Variants in VGLL1 observed in about 807,000 individuals in gnomAD.
VGLL1 encodes the protein transcription cofactor vestigial-like protein 1.
Under a neutral mutation model 12.0 loss-of-function variants are expected in VGLL1, and 4 were observed. The ratio of observed to expected loss-of-function variants is 0.33; its 90% CI spans 0.16 to 0.76. The LOEUF (loss-of-function observed/expected upper bound fraction) is 0.76. Ranked by LOEUF, VGLL1 falls within the 30% of genes least tolerant of loss-of-function variation. The probability of loss-of-function intolerance (pLI) is 0.60; values close to 1 mark genes in which losing one functional copy is unlikely to be tolerated. For synonymous variants in VGLL1, 87 were observed against 81.2 expected (o/e 1.07, Z -0.39); for missense variants, 204 against 208.7 (o/e 0.98, Z 0.14).
At chrX:136,540,392 C>A (rs2075852555) in intron 2 of VGLL1, among the ~76,000 whole-genome samples, 1 of 111,200 alleles carries the variant, frequency 9.0e-6, no homozygotes, top group Non-Finnish European at 1.9e-5. Flanking sequence ...TCAGGCCTGC[C>A]CTTTGCACAT....
At chrX:136,537,921 G>A (rs754326531) in intron 2 of VGLL1, among the ~76,000 whole-genome samples, 13 of 110,365 alleles carry the variant, frequency 1.2e-4, no homozygotes, top group Non-Finnish European at 2.5e-4. Context: ...GAACACCAAA[G>A]CATCTATGAA....
intron 4 of VGLL1, among the ~76,000 whole-genome samples, chrX:136,553,947 T>C (rs895504783): frequency 4.5e-5 from 5 of 112,313 alleles, no homozygotes; most frequent in African/African-American, 1.6e-4. Context: ...TATCTTTTGG[T>C]CGGTAGAAAT....
chrX:136,556,590 A>G lies in VGLL1; in HGVS notation c.*51A>G, dbSNP rs2075901937. On this transcript the variant is annotated 3_prime_UTR_variant, in exon 5 of 5. Coordinates refer to ENST00000370634, the MANE Select transcript of VGLL1 (RefSeq NM_016267.4). ...TTGGTCTAAGACACGGCAGCAAGACATCCCTGCATATTGTTCCAGATAAAA... is the reference window on the plus strand; with the variant it reads ...TTGGTCTAAGACACGGCAGCAAGACGTCCCTGCATATTGTTCCAGATAAAA... 9.3e-7 allele frequency: 1 copy of G among 1,073,308 alleles called. No individual in the cohort carries two copies. Among genetic ancestry groups the G allele is most frequent in the Admixed American group, 2.2e-5 (1 of 44,923 alleles). The allele number at this position is 1,073,308 out of a possible 1,213,427, so 88.5% of individuals were successfully genotyped here.
At chrX:136,536,258 G>C in intron 2 of VGLL1, 24 bp downstream of exon 2, 55 of 1,156,364 alleles carry the variant, frequency 4.8e-5, no homozygotes, top group Non-Finnish European at 5.8e-5. Flanking sequence ...GAGGGAGGGA[G>C]CTGGGATTCC....
intron 1 of VGLL1, among the ~76,000 whole-genome samples, chrX:136,532,643 TTCTTTCTTTCTTTCTTTC>T (rs1197151555): frequency 2.2e-5 from 2 of 90,524 alleles, no homozygotes; most frequent in Admixed American, 1.3e-4. Context: ...CTTTCTTTCT[TTCTTTCTTTCTTTCTTTC>T]TTTTTCTTTC....
chrX:136,552,359 G>A (rs1422100706), intron 4 of VGLL1, among the ~76,000 whole-genome samples: 1 of 112,065 alleles, frequency 8.9e-6, no homozygotes, highest in African/African-American at 3.2e-5. Flanking sequence ...CATCACATAA[G>A]TCCCTGCCCA....
chrX:136,532,633 CTTTCTTTCTTTCTTTCT>C (rs1286421775), intron 1 of VGLL1, among the ~76,000 whole-genome samples: 1 of 94,526 alleles, frequency 1.1e-5, no homozygotes, highest in Non-Finnish European at 2.1e-5. Context: ...TTCTTTCTTT[CTTTCTTTCTTTCTTTCT>C]TTCTTTCTTT....
intron 2 of VGLL1, among the ~76,000 whole-genome samples, chrX:136,538,935 T>G (rs2075848153): frequency 9.2e-6 from 1 of 108,562 alleles, no homozygotes; most frequent in African/African-American, 3.4e-5. Flanking sequence ...AGTGGGGAGG[T>G]GATGTCTAAG....
At chrX:136,543,397 G>GCGTGCAGAT (rs2075861549) in intron 2 of VGLL1, among the ~76,000 whole-genome samples, 1 of 111,873 alleles carries the variant, frequency 8.9e-6, no homozygotes, top group African/African-American at 3.3e-5. Context: ...GAAAGTCAAC[G>GCGTGCAGAT]CGTGCAGATC....
intron 4 of VGLL1, among the ~76,000 whole-genome samples, chrX:136,551,705 C>T (rs1444804287): frequency 9.0e-6 from 1 of 111,413 alleles, no homozygotes; most frequent in Non-Finnish European, 1.9e-5. Context: ...TTACTCTAAG[C>T]GTTGGCATAC....
chrX:136,556,035 C>T (rs1225733414), intron 4 of VGLL1, among the ~76,000 whole-genome samples: 1 of 111,105 alleles, frequency 9.0e-6, no homozygotes. Context: ...GGGCAAGACC[C>T]ATTGAGAATA....
At chrX:136,539,039 G>T (rs1296846681) in intron 2 of VGLL1, among the ~76,000 whole-genome samples, 1 of 111,710 alleles carries the variant, frequency 9.0e-6, no homozygotes, top group Non-Finnish European at 1.9e-5. Context: ...AATGTGGTGT[G>T]TGGGATTCAG....
chrX:136,535,234 C>T lies in VGLL1; in HGVS notation c.-25-762C>T, dbSNP rs192592388. On this transcript the variant is annotated intron_variant, in intron 1 of 4. Coordinates refer to ENST00000370634, the MANE Select transcript of VGLL1 (RefSeq NM_016267.4). ...AATACACAGCTATTGAGCATCTACT[C>T]TATTCCAGGCACTGTTCTAGATACA... 5.3e-5 allele frequency among the ~76,000 whole-genome samples: 6 copies of T among 112,265 alleles called. No homozygotes were observed. In the East Asian group the frequency reaches 1.4e-3, roughly 26 times the overall value.
intron 3 of VGLL1, among the ~76,000 whole-genome samples, chrX:136,549,694 T>A (rs2075880212): frequency 9.0e-6 from 1 of 110,774 alleles, no homozygotes; most frequent in Admixed American, 9.7e-5. Flanking sequence ...AATATTTAAT[T>A]TGCGCCTACC....
intron 1 of VGLL1, among the ~76,000 whole-genome samples, chrX:136,534,712 T>A (rs1428484172): frequency 8.9e-6 from 1 of 112,162 alleles, no homozygotes; most frequent in Non-Finnish European, 1.9e-5. Flanking sequence ...TATGTTTAAC[T>A]TTATAAGAAA....
intron 2 of VGLL1, among the ~76,000 whole-genome samples, chrX:136,536,717 T>G (rs777304561): frequency 8.9e-6 from 1 of 112,409 alleles, no homozygotes; most frequent in South Asian, 3.7e-4. Context: ...ATTTGACTAT[T>G]GCATACTCCT....
At chrX:136,535,677 A>G (rs922955447) in intron 1 of VGLL1, among the ~76,000 whole-genome samples, 1 of 111,271 alleles carries the variant, frequency 9.0e-6, no homozygotes, top group African/African-American at 3.3e-5. Flanking sequence ...TTACTCTGCT[A>G]TTTGGCCTCA....
Position 136,548,925 on chromosome X carries a change from C to T in VGLL1, c.551C>T (p.Ser184Phe), listed in dbSNP as rs756128351. ...QDRCLARPQE[S>F]AARENGNPGQ... ...AGATGCCTAGCCCGTCCTCAGGAAT[C>T]TGCCGCCAGGGAGAATGGCAACCCT... Residue 184 changes from serine (S) to phenylalanine (F), a missense_variant, in exon 3 of 5, where the codon TCT becomes TTT. Ser to Phe is a radical substitution (Grantham distance 155). Coordinates refer to ENST00000370634, the MANE Select transcript of VGLL1 (RefSeq NM_016267.4). 15 of 1,210,748 alleles carry T rather than the reference C, an allele frequency of 1.2e-5. No homozygotes were observed. In the African/African-American group the frequency reaches 1.7e-4, roughly 14 times the overall value.
intron 4 of VGLL1, among the ~76,000 whole-genome samples, chrX:136,551,589 G>A (rs5975746): frequency 0.18 from 20,111 of 111,570 alleles, 1,722 homozygotes; most frequent in South Asian, 0.34. Context: ...TGCCCCAGTT[G>A]CTTCATTTTT....
Sources: gnomAD v4.1 joint callset for allele counts (sites outside exome capture counted in the v4.1 genomes callset) on GRCh38, gnomAD v4.1.1 for gene constraint, MANE v1.5 for transcripts, NCBI Gene and HGNC (gene_info 2026-07-23, HGNC 2026-07-21) for gene names.